Variants in UNC5D observed in about 807,000 individuals in gnomAD.
UNC5D encodes netrin receptor UNC5D.
In UNC5D, 39 loss-of-function variants were observed where a neutral mutation model predicts 105.4. The ratio of observed to expected loss-of-function variants is 0.37; its 90% CI spans 0.29 to 0.48. The LOEUF (loss-of-function observed/expected upper bound fraction) is 0.48. Ranked by LOEUF, UNC5D falls within the 20% of genes least tolerant of loss-of-function variation. The pLI, the probability that UNC5D is intolerant of heterozygous loss-of-function variation, is 0.98. For synonymous variants in UNC5D, 452 were observed against 450.4 expected (o/e 1.00, Z -0.04); for missense variants, 991 against 1,202.4 (o/e 0.82, Z 2.60).
intron 4 of UNC5D, among the ~76,000 whole-genome samples, chr8:35,632,300 T>G (rs1822089957): frequency 6.6e-6 from 1 of 152,220 alleles, no homozygotes; most frequent in Non-Finnish European, 1.5e-5. Flanking sequence ...AGAAAATGCA[T>G]CCTTTAACCC....
At chr8:35,620,699 AAGTT>A (rs1427252844) in intron 4 of UNC5D, among the ~76,000 whole-genome samples, 2 of 151,952 alleles carry the variant, frequency 1.3e-5, no homozygotes, top group Non-Finnish European at 2.9e-5. Context: ...TAAAATCTGA[AAGTT>A]AGTTCTAATT....
intron 1 of UNC5D, among the ~76,000 whole-genome samples, chr8:35,497,174 A>G (rs1449635311): frequency 3.3e-5 from 5 of 152,204 alleles, no homozygotes; most frequent in African/African-American, 1.2e-4. Context: ...TCTAATGGCC[A>G]TGTACTAGGG....
chr8:35,492,729 G>T (rs1287346751), intron 1 of UNC5D, among the ~76,000 whole-genome samples: 1 of 152,040 alleles, frequency 6.6e-6, no homozygotes, highest in Non-Finnish European at 1.5e-5. Flanking sequence ...ATTGTGAGGG[G>T]TAGTAAATGA....
At chr8:35,525,712 G>A (rs1020714677) in intron 1 of UNC5D, 29 of 1,594,330 alleles carry the variant, frequency 1.8e-5, no homozygotes, top group Middle Eastern at 2.2e-4. Context: ...TGGCACGTCC[G>A]GCACGACACC....
chr8:35,525,682 C>T lies in UNC5D; in HGVS notation c.104-23610C>T, dbSNP rs1586047481. The T allele has an allele frequency of 3.7e-6, 6 of 1,608,620 alleles. No homozygotes were observed. In the East Asian group the frequency reaches 1.1e-4, roughly 30 times the overall value. ...GATTGGTAGTCAAAGGCTACCACCTCGCCCTGCAGCCGCTGCTCCTGGCAC... is the reference window on the plus strand; with the variant it reads ...GATTGGTAGTCAAAGGCTACCACCTTGCCCTGCAGCCGCTGCTCCTGGCAC... On this transcript the variant is annotated intron_variant, in intron 1 of 16. Transcript: ENST00000404895.
chr8:35,407,653 A>T (rs1050961409), intron 1 of UNC5D, among the ~76,000 whole-genome samples: 2 of 151,984 alleles, frequency 1.3e-5, no homozygotes, highest in Non-Finnish European at 2.9e-5. Flanking sequence ...TAACCCTAGT[A>T]CCCATTAGTT....
chr8:35,762,999 C>T (rs1370378547), intron 14 of UNC5D, among the ~76,000 whole-genome samples: 2 of 152,170 alleles, frequency 1.3e-5, no homozygotes, highest in Admixed American at 6.5e-5. Context: ...TACAATTTCT[C>T]CTCCCATATT....
At position 35,549,313 on chromosome 8, in the gene UNC5D, T is replaced by C; in HGVS notation, c.125T>C (p.Leu42Pro). Residue 42 changes from leucine to proline, a missense_variant, in exon 2 of 17, where the codon CTT becomes CCT. This residue lies in a region of UNC5D where 944 missense variants were observed against 1,131.6 expected (regional missense o/e 0.83). Coordinates refer to ENST00000404895, the MANE Select transcript of UNC5D (RefSeq NM_080872.4). ...ACAGGAACTGACAATGGCGAAGCCC[T>C]TCCCGAATCCATCCCATCAGCTCCT... ...AARGTDNGEA[L>P]PESIPSAPGT... 6.2e-7 allele frequency: 1 copy of C among 1,613,316 alleles called. No individual in the cohort carries two copies. The highest frequency in any genetic ancestry group is 1.1e-5 in the South Asian group (1 of 91,050).
At chr8:35,567,155 C>G (rs1223446832) in intron 2 of UNC5D, among the ~76,000 whole-genome samples, 2 of 152,002 alleles carry the variant, frequency 1.3e-5, no homozygotes, top group Non-Finnish European at 2.9e-5. Flanking sequence ...GCCACTCTTT[C>G]TATAAAAACC....
intron 4 of UNC5D, among the ~76,000 whole-genome samples, chr8:35,676,619 T>C (rs1825241457): frequency 6.6e-6 from 1 of 152,198 alleles, no homozygotes; most frequent in South Asian, 2.1e-4. Context: ...ATTTCTGAAC[T>C]CAGCATACAT....
chr8:35,339,444 T>C (rs1811295524), intron 1 of UNC5D, among the ~76,000 whole-genome samples: 1 of 152,214 alleles, frequency 6.6e-6, no homozygotes, highest in Non-Finnish European at 1.5e-5. Flanking sequence ...TGTCTATTTA[T>C]GCTCAAAGTG....
intron 1 of UNC5D, among the ~76,000 whole-genome samples, chr8:35,481,058 GGCAAAA>G (rs1810450840): frequency 6.6e-6 from 1 of 152,176 alleles, no homozygotes; most frequent in South Asian, 2.1e-4. Flanking sequence ...GTGTCTCTGT[GGCAAAA>G]TCTTTTAGTT....
At chr8:35,275,328 G>A (rs970339925) in intron 1 of UNC5D, among the ~76,000 whole-genome samples, 1 of 151,506 alleles carries the variant, frequency 6.6e-6, no homozygotes. Context: ...TTTCATAACA[G>A]ATATCACCAT....
chr8:35,519,811 G>GA (rs1195254744), intron 1 of UNC5D, among the ~76,000 whole-genome samples: 7 of 150,766 alleles, frequency 4.6e-5, no homozygotes, highest in Non-Finnish European at 7.4e-5. Flanking sequence ...AAGAAACATG[G>GA]AAAAAAAAAG....
At chr8:35,278,874 C>T (rs1022349891) in intron 1 of UNC5D, among the ~76,000 whole-genome samples, 1 of 152,068 alleles carries the variant, frequency 6.6e-6, no homozygotes, top group African/African-American at 2.4e-5. Flanking sequence ...TGATGAACAC[C>T]TCCTCATTTT....
chr8:35,722,956 G>A (rs1386680401), intron 9 of UNC5D, among the ~76,000 whole-genome samples: 16 of 151,802 alleles, frequency 1.1e-4, no homozygotes, highest in Admixed American at 1.1e-3. Flanking sequence ...TTTAGTTGTG[G>A]GGGAAGGAAA....
intron 4 of UNC5D, among the ~76,000 whole-genome samples, chr8:35,649,756 C>T (rs1213879279): frequency 6.6e-6 from 1 of 152,130 alleles, no homozygotes; most frequent in African/African-American, 2.4e-5. Flanking sequence ...AAACATCAGA[C>T]AAACTCAACT....
At chr8:35,359,393 C>A (rs1347718836) in intron 1 of UNC5D, among the ~76,000 whole-genome samples, 1 of 152,156 alleles carries the variant, frequency 6.6e-6, no homozygotes, top group Admixed American at 6.5e-5. Flanking sequence ...ATGACTTCAT[C>A]ACCCCTTTAG....
At chr8:35,627,507 T>C (rs1355640886) in intron 4 of UNC5D, among the ~76,000 whole-genome samples, 1 of 152,242 alleles carries the variant, frequency 6.6e-6, no homozygotes, top group Admixed American at 6.5e-5. Flanking sequence ...TGTCTGAGAA[T>C]GCAGCCATCT....
Sources: allele counts gnomAD v4.1 joint callset (sites outside exome capture counted in the v4.1 genomes callset), GRCh38; gene constraint gnomAD v4.1.1; regional missense constraint gnomAD v4.1.1; transcripts MANE v1.5; gene names NCBI Gene and HGNC (gene_info 2026-07-23, HGNC 2026-07-21).